The following PHF20L1 variants were observed in gnomAD, a reference collection of about 807,000 sequenced individuals.
The protein encoded by PHF20L1 is PHD finger protein 20-like protein 1.
PHF20L1 carries 44 observed loss-of-function variants against 125.5 expected under a neutral mutation model. That is an observed-to-expected ratio of 0.35 (90% CI 0.28 to 0.45). The LOEUF (loss-of-function observed/expected upper bound fraction) is 0.45. PHF20L1 is among the 20% of genes least tolerant of loss of function. PHF20L1 has a pLI of 1.00. For missense variants in PHF20L1, 1,012 were observed against 1,217.2 expected (o/e 0.83, Z 2.51); for synonymous variants, 380 against 403.1 (o/e 0.94, Z 0.69).
chr8:132,820,968 C>A (rs999968054), intron 12 of PHF20L1, among the ~76,000 whole-genome samples: 1 of 151,112 alleles, frequency 6.6e-6, no homozygotes, highest in Non-Finnish European at 1.5e-5. Context: ...TATTTTTTAG[C>A]AAATTAGTAA....
intron 6 of PHF20L1, 123 bp from the exon 7 acceptor site, chr8:132,803,696 A>T (rs1020241233): frequency 2.4e-5 from 15 of 612,840 alleles, no homozygotes; most frequent in Non-Finnish European, 4.1e-5. Flanking sequence ...TGTTATCTCT[A>T]TATTTATGTT....
intron 19 of PHF20L1, 95 bp from the exon 20 acceptor site, chr8:132,844,061 T>A: frequency 1.3e-6 from 2 of 1,547,392 alleles, no homozygotes; most frequent in Non-Finnish European, 1.7e-6. Flanking sequence ...TCTCACTAAC[T>A]GTTACCAGTG....
intron 12 of PHF20L1, among the ~76,000 whole-genome samples, chr8:132,822,885 T>G (rs898138241): frequency 1.3e-5 from 2 of 148,530 alleles, no homozygotes; most frequent in African/African-American, 2.4e-5. Context: ...CTTAAAAAAT[T>G]AAACTGGTAA....
intron 15 of PHF20L1, among the ~76,000 whole-genome samples, chr8:132,834,947 C>G (rs1352024627): frequency 6.6e-6 from 1 of 151,886 alleles, no homozygotes; most frequent in African/African-American, 2.4e-5. Context: ...TAATCAACAA[C>G]AAAACATTCA....
At chr8:132,782,501 A>T (rs1255442213) in intron 2 of PHF20L1, among the ~76,000 whole-genome samples, 1 of 152,228 alleles carries the variant, frequency 6.6e-6, no homozygotes, top group Non-Finnish European at 1.5e-5. Flanking sequence ...GAGTTTTTAA[A>T]GGTAGCTTTA....
chr8:132,830,780 A>G (rs944480647), intron 14 of PHF20L1, among the ~76,000 whole-genome samples: 1 of 151,952 alleles, frequency 6.6e-6, no homozygotes, highest in Non-Finnish European at 1.5e-5. Context: ...CCCACATCTT[A>G]AGGTTCATGT....
chr8:132,831,197 T>A (rs965111753), intron 14 of PHF20L1, among the ~76,000 whole-genome samples: 1 of 152,062 alleles, frequency 6.6e-6, no homozygotes, highest in Admixed American at 6.6e-5. Context: ...TGAATGACTT[T>A]TTATTGCATT....
intron 7 of PHF20L1, 59 bp downstream of exon 7, chr8:132,804,091 T>C: frequency 1.8e-6 from 2 of 1,121,216 alleles, no homozygotes; most frequent in Non-Finnish European, 1.3e-6. Flanking sequence ...TGTAGTAAAG[T>C]CAAATCCCTT....
At chr8:132,798,351 T>A (rs1324042077) in intron 4 of PHF20L1, among the ~76,000 whole-genome samples, 2 of 152,088 alleles carry the variant, frequency 1.3e-5, no homozygotes, top group African/African-American at 4.8e-5. Flanking sequence ...GCAAATGATC[T>A]TTTTTGCATA....
At chr8:132,787,937 T>G (rs1335618827) in intron 2 of PHF20L1, among the ~76,000 whole-genome samples, 1 of 152,124 alleles carries the variant, frequency 6.6e-6, no homozygotes, top group Non-Finnish European at 1.5e-5. Flanking sequence ...GCTCTTACCC[T>G]TCTATTTCTA....
At chr8:132,811,466 GT>G in intron 9 of PHF20L1, 2 of 1,000,390 alleles carry the variant, frequency 2.0e-6, no homozygotes. Flanking sequence ...TTAAAACAGG[GT>G]TTTTTGACAT....
At chr8:132,786,627 C>A (rs1831064520) in intron 2 of PHF20L1, among the ~76,000 whole-genome samples, 1 of 152,048 alleles carries the variant, frequency 6.6e-6, no homozygotes, top group South Asian at 2.1e-4. Flanking sequence ...AATGCATGGT[C>A]TTTATGGACA....
chr8:132,815,015 G>C (rs1834795555), intron 10 of PHF20L1, 126 bp downstream of exon 10: 1 of 653,634 alleles, frequency 1.5e-6, no homozygotes, highest in South Asian at 2.3e-5. Context: ...GATAGGGAAG[G>C]CTTGAAACTA....
chr8:132,832,966 G>T (rs1282281734), intron 15 of PHF20L1, among the ~76,000 whole-genome samples: 7 of 152,184 alleles, frequency 4.6e-5, no homozygotes, highest in Non-Finnish European at 1.5e-5. Flanking sequence ...GCAGTGAAGG[G>T]AGCACTGGAG....
intron 4 of PHF20L1, among the ~76,000 whole-genome samples, chr8:132,797,840 G>GT (rs1265750430): frequency 1.3e-5 from 2 of 151,868 alleles, no homozygotes; most frequent in African/African-American, 4.8e-5. Context: ...CACATTTCTT[G>GT]TTTATAATTC....
chr8:132,798,898 ATCT>A (rs750830638), intron 5 of PHF20L1, 38 bp downstream of exon 5: 12 of 1,362,216 alleles, frequency 8.8e-6, no homozygotes, highest in Non-Finnish European at 1.2e-5. Context: ...CCAAAGGGTT[ATCT>A]TCTTGAACGG....
chr8:132,837,597 T>C (rs938964516), intron 16 of PHF20L1, 115 bp from the exon 17 acceptor site: 1 of 709,356 alleles, frequency 1.4e-6, no homozygotes, highest in Non-Finnish European at 2.5e-6. Context: ...AGTATGAAAC[T>C]GATAGTGGCA....
At chr8:132,821,430 G>A (rs1835585108) in intron 12 of PHF20L1, among the ~76,000 whole-genome samples, 1 of 151,896 alleles carries the variant, frequency 6.6e-6, no homozygotes, top group Non-Finnish European at 1.5e-5. Context: ...TGCCTGTGGT[G>A]GGTTTTGAAA....
At position 132,793,562 on chromosome 8, in the gene PHF20L1, T is replaced by G. The variant is rs575877147; in HGVS notation, c.84-848T>G. ...CTGTGTGCTGCTATTGAGTTCTGAA[T>G]GTTATTTAATCATACTTTAAAAAAA... On this transcript the variant is annotated intron_variant, in intron 2 of 20. Transcript: ENST00000395386. Among the ~76,000 whole-genome samples the G allele has an allele frequency of 6.6e-5, 10 of 152,332 alleles. No homozygotes were observed. In the East Asian group the frequency reaches 1.4e-3, roughly 21 times the overall value.
Sources: allele counts gnomAD v4.1 joint callset (sites outside exome capture counted in the v4.1 genomes callset), GRCh38; gene constraint gnomAD v4.1.1; transcripts MANE v1.5; gene names NCBI Gene and HGNC (gene_info 2026-07-23, HGNC 2026-07-21).